Variants in ADSS2 observed in about 807,000 individuals in gnomAD.
ADSS2 encodes adenylosuccinate synthase 2, also known as adenylosuccinate synthetase isozyme 2.
In ADSS2, 30 loss-of-function variants were observed where a neutral mutation model predicts 60.0. The ratio of observed to expected loss-of-function variants is 0.50; its 90% CI spans 0.37 to 0.68. ADSS2 has a LOEUF of 0.68. Among genes scored for constraint, ADSS2 ranks in the 30% least tolerant of loss-of-function variants. The pLI is 0.00. For synonymous variants in ADSS2, 187 were observed against 193.1 expected, an observed-to-expected ratio of 0.97 and a Z score of 0.26; for missense variants, 373 against 554.8, an observed-to-expected ratio of 0.67 and a Z score of 3.29.
chr1:244,424,692 T>A (rs1664756179), intron 4 of ADSS2: 2 of 243,266 alleles, frequency 8.2e-6, no homozygotes, highest in African/African-American at 4.6e-5. Context: ...AATACTCTTT[T>A]TTCTTCAAGT....
Position 244,409,591 on chromosome 1 carries a change from A to C in ADSS2, c.1366T>G (p.Phe456Val). The C allele has an allele frequency of 6.2e-7, 1 of 1,608,174 alleles. No individual in the cohort carries two copies. The highest frequency in any genetic ancestry group is 8.5e-7 in the Non-Finnish European group (1 of 1,175,218). The change falls in exon 13 of 13, where the codon TTT becomes GTT. Residue 456 changes from phenylalanine to valine, a missense_variant. This residue lies in a region of ADSS2 where 130 missense variants were observed against 169.4 expected (regional missense o/e 0.77). Transcript: ENST00000366535. ...GKSRESMIQLF is the reference protein window; with the variant it reads ...GKSRESMIQLV ...TCTTGCATTACTGGCAATCATTAAA[A>C]GAGTTGAATCATAGATTCTCTGGAT... is the stretch of plus-strand genomic sequence containing the variant.
chr1:244,416,331 G>A (rs771900042), intron 10 of ADSS2, among the ~76,000 whole-genome samples: 2 of 152,048 alleles, frequency 1.3e-5, no homozygotes, highest in Admixed American at 1.3e-4. Context: ...TTTTTTGATC[G>A]TTTTGAGACA....
intron 1 of ADSS2, among the ~76,000 whole-genome samples, chr1:244,444,077 C>T (rs1436395941): frequency 6.6e-6 from 1 of 152,140 alleles, no homozygotes; most frequent in Non-Finnish European, 1.5e-5. Flanking sequence ...ATATGATGTT[C>T]TTCTTATATT....
chr1:244,424,056 C>T lies in ADSS2; in HGVS notation c.478G>A (p.Gly160Ser), dbSNP rs1285973810. 1 of 1,610,584 alleles carries T rather than the reference C, an allele frequency of 6.2e-7. No individual in the cohort carries two copies. The highest frequency in any genetic ancestry group is 1.7e-5 in the Admixed American group (1 of 59,106). ...GGGCCAATGCCCTTTTTTGTTGTAC[C>T]CAAACTTAAAAACAAATCCAAACAA... ...QRQEQAGKNL[G>S]TTKKGIGPVY... The change falls in exon 6 of 13, where the codon GGT (glycine) becomes AGT (serine). Residue 160 changes from glycine (G) to serine (S), a missense_variant. Physicochemically the swap from Gly to Ser is moderately conservative, Grantham distance 56 (BLOSUM62 0). Transcript: ENST00000366535.
At chr1:244,442,502 G>C (rs1558280357) in intron 1 of ADSS2, among the ~76,000 whole-genome samples, 1 of 152,134 alleles carries the variant, frequency 6.6e-6, no homozygotes, top group Non-Finnish European at 1.5e-5. Flanking sequence ...CATTTAAGTT[G>C]TTTCCGTATG....
chr1:244,437,062 A>G (rs1216406914), intron 2 of ADSS2, among the ~76,000 whole-genome samples, 169 bp from the exon 3 acceptor site: 4 of 152,232 alleles, frequency 2.6e-5, no homozygotes, highest in African/African-American at 9.6e-5. Context: ...ATAAAACACT[A>G]GAATTATACT....
intron 1 of ADSS2, among the ~76,000 whole-genome samples, chr1:244,448,188 T>C (rs956002043): frequency 6.6e-6 from 1 of 152,218 alleles, no homozygotes; most frequent in African/African-American, 2.4e-5. Flanking sequence ...ATTTTAGCTG[T>C]ACAAGGTCAA....
chr1:244,429,109 A>G (rs1028579937), intron 4 of ADSS2, among the ~76,000 whole-genome samples: 7 of 152,212 alleles, frequency 4.6e-5, no homozygotes, highest in Non-Finnish European at 7.3e-5. Context: ...GTATACATAT[A>G]TGAATAAAAT....
At chr1:244,417,802 T>C in intron 9 of ADSS2, 50 bp from the exon 10 acceptor site, 1 of 1,556,808 alleles carries the variant, frequency 6.4e-7, no homozygotes, top group Non-Finnish European at 8.8e-7. Flanking sequence ...GTGCTATATA[T>C]CTGGTGGAAT....
At chr1:244,422,554 T>A (rs1279689347) in intron 7 of ADSS2, among the ~76,000 whole-genome samples, 1 of 152,208 alleles carries the variant, frequency 6.6e-6, no homozygotes, top group African/African-American at 2.4e-5. Flanking sequence ...CAAAATTTCC[T>A]AGTAGCTTTT....
intron 12 of ADSS2, among the ~76,000 whole-genome samples, 177 bp from the exon 13 acceptor site, chr1:244,409,815 A>G (rs1201420495): frequency 6.6e-6 from 1 of 152,060 alleles, no homozygotes; most frequent in African/African-American, 2.4e-5. Flanking sequence ...AGGATGTACA[A>G]ATAAGACCCA....
rs1399870857 is a variant in ADSS2, at chr1:244,413,151, G to A, written c.1169-1715C>T. Among the ~76,000 whole-genome samples, 3 of 152,208 alleles carry A rather than the reference G, an allele frequency of 2.0e-5. No individual in the cohort carries two copies. In the South Asian group the frequency reaches 6.2e-4, roughly 31 times the overall value. On this transcript the variant is annotated intron_variant, in intron 11 of 12. Coordinates refer to ENST00000366535, the MANE Select transcript of ADSS2 (RefSeq NM_001126.5). ...GATGCTGGGTCAAGGGGGGCAGCAG[G>A]TGGTAGAACAAAGTTGAGTAAGACT... is the stretch of plus-strand genomic sequence containing the variant.
In ADSS2 at chr1:244,431,582, A is replaced by C. The variant is rs910349299; in HGVS notation, c.406+963T>G. Among the ~76,000 whole-genome samples, 3 of 152,242 alleles carry C rather than the reference A, an allele frequency of 2.0e-5. No individual in the cohort carries two copies. In the South Asian group the frequency reaches 6.2e-4, roughly 31 times the overall value. The stretch of plus-strand genomic sequence containing the variant: ...AAAGTCTTTGTTTTCAAGGATAACC[A>C]GTCTACTAATAGACAACATACAGGA... On this transcript the variant is annotated intron_variant, in intron 4 of 12. Transcript: ENST00000366535.
chr1:244,428,176 T>A (rs1170289245), intron 4 of ADSS2, among the ~76,000 whole-genome samples: 1 of 152,182 alleles, frequency 6.6e-6, no homozygotes, highest in Non-Finnish European at 1.5e-5. Context: ...ACATATTCTT[T>A]CTAAGTGCAT....
At chr1:244,426,137 G>C (rs1664798707) in intron 4 of ADSS2, among the ~76,000 whole-genome samples, 1 of 152,146 alleles carries the variant, frequency 6.6e-6, no homozygotes, top group African/African-American at 2.4e-5. Flanking sequence ...TGAGAGGCCA[G>C]AATAGTTCTG....
chr1:244,432,225 A>G (rs1664962058), intron 4 of ADSS2, among the ~76,000 whole-genome samples: 1 of 152,252 alleles, frequency 6.6e-6, no homozygotes, highest in Non-Finnish European at 1.5e-5. Flanking sequence ...TTACTTTTAC[A>G]AGAATATTAC....
chr1:244,448,995 C>T (rs1665467460), intron 1 of ADSS2, among the ~76,000 whole-genome samples: 1 of 152,110 alleles, frequency 6.6e-6, no homozygotes, highest in South Asian at 2.1e-4. Flanking sequence ...CTTCTCTCTT[C>T]TTCTTAAAAT....
chr1:244,429,889 T>C (rs1393351369), intron 4 of ADSS2, among the ~76,000 whole-genome samples: 2 of 151,846 alleles, frequency 1.3e-5, no homozygotes, highest in Non-Finnish European at 2.9e-5. Flanking sequence ...CTCAAAAAAA[T>C]AATAAAATAA....
intron 11 of ADSS2, among the ~76,000 whole-genome samples, chr1:244,415,316 G>C (rs1324100090): frequency 6.6e-6 from 1 of 152,178 alleles, no homozygotes; most frequent in Non-Finnish European, 1.5e-5. Context: ...TACAATGGCA[G>C]TAGATACTTT....
Sources: allele counts gnomAD v4.1 joint callset (sites outside exome capture counted in the v4.1 genomes callset), GRCh38; gene constraint gnomAD v4.1.1; regional missense constraint gnomAD v4.1.1; transcripts MANE v1.5; gene names NCBI Gene and HGNC (gene_info 2026-07-23, HGNC 2026-07-21).